Variants in RFX3 observed in about 807,000 individuals in gnomAD.
The protein encoded by RFX3 is transcription factor RFX3.
RFX3 carries 14 observed loss-of-function variants against 98.6 expected under a neutral mutation model. The ratio of observed to expected loss-of-function variants is 0.14; its 90% CI spans 0.09 to 0.22. RFX3 has a LOEUF of 0.22. Among genes scored for constraint, RFX3 ranks in the 10% least tolerant of loss-of-function variants. The probability of loss-of-function intolerance (pLI) is 1.00; values close to 1 mark genes in which losing one functional copy is unlikely to be tolerated. For synonymous variants in RFX3, 383 were observed against 328.4 expected, an observed-to-expected ratio of 1.17 and a Z score of -1.80; for missense variants, 639 against 926.9, an observed-to-expected ratio of 0.69 and a Z score of 4.03.
intron 2 of RFX3, among the ~76,000 whole-genome samples, chr9:3,377,144 C>T (rs191985369): frequency 6.6e-6 from 1 of 152,156 alleles, no homozygotes; most frequent in East Asian, 1.9e-4. Flanking sequence ...CACATGCACA[C>T]GTATGTTTAT....
intron 1 of RFX3, among the ~76,000 whole-genome samples, chr9:3,424,348 CTTTTTTT>C (rs748693786): frequency 3.7e-4 from 28 of 75,986 alleles, no homozygotes; most frequent in East Asian, 3.8e-4. Flanking sequence ...ACATAATTGA[CTTTTTTT>C]TTTTTTTTTT....
chr9:3,456,107 A>G (rs1847125752), intron 1 of RFX3, among the ~76,000 whole-genome samples: 1 of 152,216 alleles, frequency 6.6e-6, no homozygotes, highest in Non-Finnish European at 1.5e-5. Context: ...AGCTGTTTTT[A>G]TAGGGGTTTT....
At chr9:3,510,069 G>A (rs574114681) in intron 1 of RFX3, among the ~76,000 whole-genome samples, 124 of 152,104 alleles carry the variant, frequency 8.2e-4, no homozygotes, top group African/African-American at 2.7e-3. Context: ...AAACATGTGT[G>A]ACTCTAGTGA....
intron 2 of RFX3, among the ~76,000 whole-genome samples, chr9:3,361,784 C>T (rs1836491682): frequency 6.6e-6 from 1 of 151,282 alleles, no homozygotes. Context: ...CCTGCCTCTA[C>T]AAAAAATAAA....
At chr9:3,518,877 T>C (rs1031709452) in intron 1 of RFX3, among the ~76,000 whole-genome samples, 4 of 152,312 alleles carry the variant, frequency 2.6e-5, no homozygotes, top group Middle Eastern at 3.4e-3. Flanking sequence ...GGTACACAAG[T>C]AGTAACCTCA....
chr9:3,429,158 G>A (rs1446111804), intron 1 of RFX3, among the ~76,000 whole-genome samples: 1 of 151,030 alleles, frequency 6.6e-6, no homozygotes, highest in Non-Finnish European at 1.5e-5. Flanking sequence ...AAGTAGCTGG[G>A]ACTACAGGCG....
chr9:3,315,068 T>C (rs1830432337), intron 4 of RFX3, among the ~76,000 whole-genome samples: 1 of 151,784 alleles, frequency 6.6e-6, no homozygotes, highest in Non-Finnish European at 1.5e-5. Context: ...CAACAGAATA[T>C]ACATTCTTCT....
At chr9:3,401,212 T>C (rs1841445554) in intron 1 of RFX3, among the ~76,000 whole-genome samples, 1 of 152,176 alleles carries the variant, frequency 6.6e-6, no homozygotes, top group Non-Finnish European at 1.5e-5. Context: ...GAAGACCTGA[T>C]AAAAACAGCA....
chr9:3,290,051 A>G (rs566285162), intron 6 of RFX3, among the ~76,000 whole-genome samples: 3 of 152,230 alleles, frequency 2.0e-5, no homozygotes, highest in African/African-American at 7.2e-5. Flanking sequence ...AAGAATGTCT[A>G]GTACCTCACT....
intron 3 of RFX3, chr9:3,344,912 TCA>T: frequency 1.4e-6 from 1 of 692,736 alleles, no homozygotes; most frequent in Non-Finnish European, 2.6e-6. Context: ...TGAAAAACAT[TCA>T]CAGTGTGTCT....
At chr9:3,327,540 T>A (rs12002158) in intron 4 of RFX3, among the ~76,000 whole-genome samples, 9,347 of 152,130 alleles carry the variant, frequency 0.061, 954 homozygotes, top group African/African-American at 0.21. Flanking sequence ...TTGTGATTTT[T>A]CCATACAAAA....
At chr9:3,274,657 A>G (rs1272706126) in intron 9 of RFX3, among the ~76,000 whole-genome samples, 1 of 152,138 alleles carries the variant, frequency 6.6e-6, no homozygotes, top group African/African-American at 2.4e-5. Flanking sequence ...AAGAACACCT[A>G]AGGTGGTTTA....
At chr9:3,439,410 A>G (rs1298565208) in intron 1 of RFX3, among the ~76,000 whole-genome samples, 1 of 151,998 alleles carries the variant, frequency 6.6e-6, no homozygotes, top group Non-Finnish European at 1.5e-5. Context: ...CAAAACTGAT[A>G]AACCTCTAGA....
At chr9:3,362,392 G>C (rs1836564888) in intron 2 of RFX3, among the ~76,000 whole-genome samples, 2 of 152,194 alleles carry the variant, frequency 1.3e-5, no homozygotes, top group African/African-American at 2.4e-5. Flanking sequence ...CATTGCCCCT[G>C]TGGTAGATGA....
chr9:3,506,891 C>A (rs1456077283), intron 1 of RFX3, among the ~76,000 whole-genome samples: 2 of 151,728 alleles, frequency 1.3e-5, no homozygotes, highest in Non-Finnish European at 2.9e-5. Context: ...TAAATAAATC[C>A]AATGGAAATA....
At position 3,325,909 on chromosome 9, in the gene RFX3, T is replaced by C. The variant is rs1587077205; in HGVS notation, c.474+4350A>G. Among the ~76,000 whole-genome samples, 3 of 152,280 alleles carry C rather than the reference T, an allele frequency of 2.0e-5. No individual in the cohort carries two copies. The South Asian group carries it at 6.2e-4, about 32-fold the overall frequency. Reference sequence around the variant, plus strand: ...GAGGGAAATATTATGTTGATATAGTTAGAAGACAGATGTATAATGAGTTCA... The same window carrying C: ...GAGGGAAATATTATGTTGATATAGTCAGAAGACAGATGTATAATGAGTTCA... On this transcript the variant is annotated intron_variant, in intron 4 of 16. Coordinates refer to ENST00000617270, the MANE Select transcript of RFX3 (RefSeq NM_001282116.2).
chr9:3,514,245 T>A (rs1263622240), intron 1 of RFX3, among the ~76,000 whole-genome samples: 2 of 152,258 alleles, frequency 1.3e-5, no homozygotes, highest in South Asian at 2.1e-4. Context: ...TTCCTAATGA[T>A]CCTCCAAGAG....
At chr9:3,404,167 T>A (rs946491760) in intron 1 of RFX3, among the ~76,000 whole-genome samples, 9 of 152,200 alleles carry the variant, frequency 5.9e-5, no homozygotes, top group African/African-American at 2.2e-4. Context: ...CTGGCAAATG[T>A]AGTGAACATG....
Position 3,443,678 on chromosome 9 carries a change from A to T in RFX3, c.-8-48082T>A, listed in dbSNP as rs374026270. 8.1e-4 allele frequency among the ~76,000 whole-genome samples: 123 copies of T among 152,252 alleles called. 3 individuals are homozygous for T. The South Asian group carries it at 0.024, about 30-fold the overall frequency. On this transcript the variant is annotated intron_variant, in intron 1 of 16. Transcript: ENST00000617270. ...CTGCAATAAATATACACATGCGTGT[A>T]TCTTTATAATAGAATGATTTATATT...
Sources: gnomAD v4.1 joint callset for allele counts (sites outside exome capture counted in the v4.1 genomes callset) on GRCh38, gnomAD v4.1.1 for gene constraint, MANE v1.5 for transcripts, NCBI Gene and HGNC (gene_info 2026-07-23, HGNC 2026-07-21) for gene names.